AGBL4: variants seen among roughly 807,000 people sequenced by gnomAD.
The protein encoded by AGBL4 is AGBL carboxypeptidase 4.
AGBL4 carries 58 observed loss-of-function variants against 66.4 expected under a neutral mutation model. That is an observed-to-expected ratio of 0.87 (90% CI 0.71 to 1.09). The LOEUF (loss-of-function observed/expected upper bound fraction) is 1.09. Among genes scored for constraint, AGBL4 ranks in the 50% least tolerant of loss-of-function variants. The pLI, the probability that AGBL4 is intolerant of heterozygous loss-of-function variation, is 0.00. For synonymous variants in AGBL4, 234 were observed against 222.9 expected (o/e 1.05, Z -0.44); for missense variants, 579 against 631.0 (o/e 0.92, Z 0.88).
At chr1:49,193,815 G>T (rs1320636201) in intron 4 of AGBL4, among the ~76,000 whole-genome samples, 3 of 152,058 alleles carry the variant, frequency 2.0e-5, no homozygotes, top group Non-Finnish European at 4.4e-5. Flanking sequence ...TTACAGGCGT[G>T]AGCCACCGTG....
At chr1:48,650,168 A>G (rs1436373544) in intron 8 of AGBL4, among the ~76,000 whole-genome samples, 1 of 152,194 alleles carries the variant, frequency 6.6e-6, no homozygotes, top group Admixed American at 6.5e-5. Context: ...GGTGCTGGCT[A>G]TCAGGGGAGT....
intron 2 of AGBL4, among the ~76,000 whole-genome samples, chr1:49,732,892 T>G (rs1649562513): frequency 6.6e-6 from 1 of 151,698 alleles, no homozygotes; most frequent in African/African-American, 2.4e-5. Flanking sequence ...AAAACATGAA[T>G]CTACAGATCC....
chr1:49,380,206 A>G (rs1644569175), intron 3 of AGBL4, among the ~76,000 whole-genome samples: 1 of 152,144 alleles, frequency 6.6e-6, no homozygotes, highest in South Asian at 2.1e-4. Context: ...ATACACCAAT[A>G]ACAGCCAAAC....
intron 2 of AGBL4, among the ~76,000 whole-genome samples, chr1:49,748,440 T>A (rs181723786): frequency 6.6e-6 from 1 of 152,328 alleles, no homozygotes; most frequent in East Asian, 1.9e-4. Flanking sequence ...TTCCAAACCT[T>A]AGCTATTGTG....
intron 3 of AGBL4, among the ~76,000 whole-genome samples, chr1:49,596,165 T>C (rs1202507227): frequency 6.6e-6 from 1 of 152,152 alleles, no homozygotes; most frequent in Non-Finnish European, 1.5e-5. Flanking sequence ...GCAGGAAACA[T>C]GGAGGTCCTT....
intron 3 of AGBL4, among the ~76,000 whole-genome samples, chr1:49,654,714 A>C (rs1452882696): frequency 6.6e-6 from 1 of 151,982 alleles, no homozygotes; most frequent in Non-Finnish European, 1.5e-5. Context: ...TGTTGGTTTA[A>C]AGTCTGTTTT....
intron 5 of AGBL4, among the ~76,000 whole-genome samples, chr1:48,877,037 C>A (rs748928685): frequency 2.0e-5 from 3 of 152,120 alleles, no homozygotes; most frequent in African/African-American, 4.8e-5. Flanking sequence ...ACTAGCCCAA[C>A]TATTTTAAAG....
intron 2 of AGBL4, among the ~76,000 whole-genome samples, chr1:49,752,779 A>G (rs1651577994): frequency 6.6e-6 from 1 of 152,160 alleles, no homozygotes; most frequent in Admixed American, 6.5e-5. Flanking sequence ...TATATTTAGG[A>G]TAGTTAGCCC....
At chr1:49,328,620 T>G (rs1231026615) in intron 3 of AGBL4, among the ~76,000 whole-genome samples, 7 of 152,170 alleles carry the variant, frequency 4.6e-5, no homozygotes, top group Non-Finnish European at 1.0e-4. Context: ...CAACTATCCA[T>G]TAACAATTTC....
intron 1 of AGBL4, among the ~76,000 whole-genome samples, chr1:49,941,684 T>C (rs1311147227): frequency 6.6e-6 from 1 of 152,054 alleles, no homozygotes; most frequent in Non-Finnish European, 1.5e-5. Context: ...AAAAATCTGT[T>C]CATGATTTTA....
At chr1:49,565,286 GCATTTAGCCCATTTA>G (rs2148861653) in intron 3 of AGBL4, among the ~76,000 whole-genome samples, 1 of 152,272 alleles carries the variant, frequency 6.6e-6, no homozygotes, top group Non-Finnish European at 1.5e-5. Flanking sequence ...TTTAATTGAA[GCATTTAGCCCATTTA>G]CATTTAAGGT....
chr1:49,802,263 G>T (rs550874585), intron 2 of AGBL4, among the ~76,000 whole-genome samples: 22 of 152,076 alleles, frequency 1.4e-4, no homozygotes, highest in African/African-American at 3.9e-4. Flanking sequence ...GACACATCGG[G>T]GGGGGTCGCC....
At chr1:49,787,430 G>A (rs973508817) in intron 2 of AGBL4, among the ~76,000 whole-genome samples, 15 of 151,502 alleles carry the variant, frequency 9.9e-5, no homozygotes, top group African/African-American at 3.6e-4. Context: ...GTGAACCTGG[G>A]AGGCGGAGCT....
chr1:49,477,847 T>C (rs553013444), intron 3 of AGBL4, among the ~76,000 whole-genome samples: 5 of 151,894 alleles, frequency 3.3e-5, no homozygotes, highest in African/African-American at 1.2e-4. Flanking sequence ...TTTTATCAAA[T>C]AAATGTCACA....
intron 2 of AGBL4, among the ~76,000 whole-genome samples, chr1:49,712,036 A>G (rs1415279967): frequency 6.6e-6 from 1 of 152,014 alleles, no homozygotes; most frequent in Non-Finnish European, 1.5e-5. Context: ...GTGAGTATTA[A>G]GTGACTGAAT....
intron 1 of AGBL4, among the ~76,000 whole-genome samples, chr1:50,010,184 G>C (rs1002445542): frequency 6.6e-6 from 1 of 151,956 alleles, no homozygotes; most frequent in South Asian, 2.1e-4. Context: ...GTACATGCCT[G>C]TAGTCCCAGC....
At chr1:48,608,332 A>G (rs1251286165) in intron 9 of AGBL4, among the ~76,000 whole-genome samples, 1 of 152,208 alleles carries the variant, frequency 6.6e-6, no homozygotes, top group Non-Finnish European at 1.5e-5. Flanking sequence ...AACTGTAAAG[A>G]AGAAGGGATC....
chr1:49,288,604 A>T (rs1027202176), intron 3 of AGBL4, among the ~76,000 whole-genome samples: 1 of 152,174 alleles, frequency 6.6e-6, no homozygotes, highest in African/African-American at 2.4e-5. Flanking sequence ...ATGCTAATAA[A>T]ACAAGTAGAA....
intron 2 of AGBL4, among the ~76,000 whole-genome samples, chr1:49,805,749 T>C (rs1455399935): frequency 6.6e-6 from 1 of 152,156 alleles, no homozygotes; most frequent in African/African-American, 2.4e-5. Context: ...ATAAGATAAG[T>C]ACCCTTATAA....
Sources: gnomAD v4.1 joint callset for allele counts (sites outside exome capture counted in the v4.1 genomes callset) on GRCh38, gnomAD v4.1.1 for gene constraint, MANE v1.5 for transcripts, NCBI Gene and HGNC (gene_info 2026-07-23, HGNC 2026-07-21) for gene names.